DPP6: variants seen among roughly 807,000 people sequenced by gnomAD.
DPP6 encodes A-type potassium channel modulatory protein DPP6.
DPP6 carries 69 observed loss-of-function variants against 122.6 expected under a neutral mutation model. The observed-to-expected ratio is 0.56, with a 90% CI of 0.46 to 0.69. The LOEUF (loss-of-function observed/expected upper bound fraction) is 0.69. Among genes scored for constraint, DPP6 ranks in the 30% least tolerant of loss-of-function variants. The pLI is 0.00. For missense variants in DPP6, 928 were observed against 1,116.9 expected (o/e 0.83, Z 2.41); for synonymous variants, 418 against 433.1 (o/e 0.97, Z 0.43).
chr7:154,303,769 G>A (rs1345861006), intron 1 of DPP6, among the ~76,000 whole-genome samples: 2 of 152,178 alleles, frequency 1.3e-5, no homozygotes, highest in Non-Finnish European at 2.9e-5. Flanking sequence ...ACTTCTTAGA[G>A]TCTGCCAAAT....
At chr7:153,867,847 A>G in the DPP6 span, among the ~76,000 whole-genome samples, 6 of 152,168 alleles carry the variant, frequency 3.9e-5, no homozygotes, top group South Asian at 1.0e-3. Flanking sequence ...TTTATTGCGA[A>G]TTTTTAGCAT....
intron 1 of DPP6, among the ~76,000 whole-genome samples, chr7:154,244,159 GAA>G (rs1295755028): frequency 2.6e-5 from 4 of 152,026 alleles, no homozygotes; most frequent in African/African-American, 4.8e-5. Context: ...CAGTTAGAGA[GAA>G]AAGACACGTT....
At chr7:154,812,543 C>T (rs938616452) in intron 16 of DPP6, among the ~76,000 whole-genome samples, 1 of 152,088 alleles carries the variant, frequency 6.6e-6, no homozygotes, top group Admixed American at 6.5e-5. Context: ...CTCCTTGTAT[C>T]CTCATGTGGT....
At chr7:153,861,661 T>A in the DPP6 span, among the ~76,000 whole-genome samples, 1 of 152,206 alleles carries the variant, frequency 6.6e-6, no homozygotes, top group East Asian at 1.9e-4. Flanking sequence ...GGCTACCCTA[T>A]GTTTATTATC....
chr7:154,215,367 T>C (rs528086135), intron 1 of DPP6, among the ~76,000 whole-genome samples: 304 of 152,040 alleles, frequency 2.0e-3, no homozygotes, highest in African/African-American at 6.9e-3. Flanking sequence ...CAATTCAAGA[T>C]GAGATTTGGG....
At chr7:154,818,361 G>A (rs914675791) in intron 16 of DPP6, among the ~76,000 whole-genome samples, 4 of 152,168 alleles carry the variant, frequency 2.6e-5, no homozygotes, top group South Asian at 2.1e-4. Flanking sequence ...TGGCTCAGGG[G>A]TGATACTGAT....
At chr7:154,502,000 G>A (rs1009769471) in intron 3 of DPP6, among the ~76,000 whole-genome samples, 4 of 152,138 alleles carry the variant, frequency 2.6e-5, no homozygotes, top group African/African-American at 9.7e-5. Flanking sequence ...TGACCGAAAT[G>A]TGAGACATGG....
At chr7:153,899,378 G>A (rs1422771161) in intron 1 of DPP6, among the ~76,000 whole-genome samples, 3 of 152,168 alleles carry the variant, frequency 2.0e-5, no homozygotes, top group Non-Finnish European at 4.4e-5. Context: ...ATCTCAGGCT[G>A]AAGGAAATCA....
At chr7:154,507,047 C>T (rs1825718714) in intron 3 of DPP6, among the ~76,000 whole-genome samples, 1 of 152,114 alleles carries the variant, frequency 6.6e-6, no homozygotes, top group Non-Finnish European at 1.5e-5. Flanking sequence ...AATTGGTTTC[C>T]AAGTGAACAA....
At chr7:154,099,170 C>T (rs1306556121) in intron 1 of DPP6, among the ~76,000 whole-genome samples, 1 of 152,126 alleles carries the variant, frequency 6.6e-6, no homozygotes, top group East Asian at 1.9e-4. Context: ...AGAGGATAAT[C>T]GACTCTATTA....
chr7:154,740,708 C>T (rs908814116), intron 8 of DPP6, among the ~76,000 whole-genome samples: 7 of 152,160 alleles, frequency 4.6e-5, no homozygotes, highest in Non-Finnish European at 8.8e-5. Flanking sequence ...AGTAAACATA[C>T]GGGAGCAATG....
At chr7:153,756,066 G>A in the DPP6 span, among the ~76,000 whole-genome samples, 2 of 152,200 alleles carry the variant, frequency 1.3e-5, no homozygotes, top group Non-Finnish European at 2.9e-5. Flanking sequence ...CTGCTAAGAA[G>A]GGAATTTTTT....
At chr7:154,008,387 A>G (rs1798002121) in intron 1 of DPP6, among the ~76,000 whole-genome samples, 1 of 152,240 alleles carries the variant, frequency 6.6e-6, no homozygotes, top group Non-Finnish European at 1.5e-5. Flanking sequence ...CCACTACAAG[A>G]TATTTCTTAC....
intron 1 of DPP6, among the ~76,000 whole-genome samples, chr7:154,007,961 G>A (rs1323219984): frequency 2.0e-5 from 3 of 152,204 alleles, no homozygotes; most frequent in Non-Finnish European, 2.9e-5. Context: ...CATGCCGTGA[G>A]GCTCAGCGAG....
chr7:153,752,724 G>A, the DPP6 span, among the ~76,000 whole-genome samples: 402 of 122,990 alleles, frequency 3.3e-3, 31 homozygotes, highest in African/African-American at 0.013. Flanking sequence ...GTATGTGCCT[G>A]AGGTCCTATC....
In DPP6 at chr7:154,710,302, A is replaced by G. The variant is rs561401684; in HGVS notation, c.763-17465A>G. Among the ~76,000 whole-genome samples the G allele has an allele frequency of 2.6e-5, 4 of 152,322 alleles. No individual in the cohort carries two copies. The East Asian group carries it at 5.8e-4, about 22-fold the overall frequency. On this transcript the variant is annotated intron_variant, in intron 7 of 25. Coordinates refer to ENST00000377770, the MANE Select transcript of DPP6 (RefSeq NM_130797.4). The stretch of plus-strand genomic sequence containing the variant: ...CCTCCCAGTACTCATGGTTCTCCTT[A>G]TCTCAATGCAACTTATCATAAATAA...
Position 154,874,371 on chromosome 7 carries a change from G to A in DPP6, c.1884-1535G>A, listed in dbSNP as rs577730199. 4.6e-5 allele frequency among the ~76,000 whole-genome samples: 7 copies of A among 152,290 alleles called. No homozygotes were observed. In the East Asian group the frequency reaches 5.8e-4, roughly 13 times the overall value. On this transcript the variant is annotated intron_variant, in intron 19 of 25. Transcript: ENST00000377770. ...GAGACAGCTGAGCTCTGCTGAGCTC[G>A]GACGGGACCGGCCAGGCAACCCCAC...
chr7:153,890,276 G>A (rs889741570), intron 1 of DPP6, among the ~76,000 whole-genome samples: 60 of 152,334 alleles, frequency 3.9e-4, no homozygotes, highest in African/African-American at 1.4e-3. Flanking sequence ...CGCATTTGAG[G>A]TTTGATATTT....
At chr7:154,279,612 T>C (rs1437914188) in intron 1 of DPP6, among the ~76,000 whole-genome samples, 2 of 152,214 alleles carry the variant, frequency 1.3e-5, no homozygotes, top group African/African-American at 4.8e-5. Context: ...GATCATTACG[T>C]TCACGTTGCA....
Sources: gnomAD v4.1 joint callset for allele counts (sites outside exome capture counted in the v4.1 genomes callset) on GRCh38, gnomAD v4.1.1 for gene constraint, MANE v1.5 for transcripts, NCBI Gene and HGNC (gene_info 2026-07-23, HGNC 2026-07-21) for gene names.